Variants in FHIT observed in about 807,000 individuals in gnomAD.
The protein encoded by FHIT is fragile histidine triad diadenosine triphosphatase, also known as bis(5'-adenosyl)-triphosphatase.
FHIT carries 19 observed loss-of-function variants against 17.9 expected under a neutral mutation model. The ratio of observed to expected loss-of-function variants is 1.06; its 90% CI spans 0.74 to 1.56. The LOEUF is 1.56. Among genes scored for constraint, FHIT ranks in the 40% most tolerant of loss-of-function variants. The pLI is 0.00. For synonymous variants in FHIT, 81 were observed against 69.7 expected (o/e 1.16, Z -0.81); for missense variants, 248 against 189.2 (o/e 1.31, Z -1.82).
At chr3:60,310,116 A>C (rs73836722) in intron 5 of FHIT, among the ~76,000 whole-genome samples, 1 of 152,126 alleles carries the variant, frequency 6.6e-6, no homozygotes, top group African/African-American at 2.4e-5. Context: ...TACTTCTCCC[A>C]CATTTCTCTG....
intron 5 of FHIT, among the ~76,000 whole-genome samples, chr3:60,418,220 G>C (rs1330616002): frequency 6.6e-6 from 1 of 151,582 alleles, no homozygotes; most frequent in Non-Finnish European, 1.5e-5. Context: ...AACTGCAAAA[G>C]TCAGAAATCA....
rs374701930 is a variant in FHIT, at chr3:60,238,447, CAA to C, written c.104-224297_104-224296del. On this transcript the variant is annotated intron_variant, in intron 5 of 9. Coordinates refer to ENST00000492590, the MANE Select transcript of FHIT (RefSeq NM_002012.4). ...ATACCACTCAACTAGCTGTACTAAG[CAA>C]AAAAAAAAAAAAAAAGTCACAGCAC... Among the ~76,000 whole-genome samples, 48 of 117,516 alleles carry C rather than the reference CAA, an allele frequency of 4.1e-4. 1 individual carries two copies. The highest frequency in any genetic ancestry group is 1.4e-3 in the African/African-American group (44 of 30,680). 77.1% of individuals were successfully genotyped at this position (117,516 alleles called of 152,430 possible).
chr3:60,816,894 C>A (rs1701759609), intron 4 of FHIT, among the ~76,000 whole-genome samples: 1 of 151,924 alleles, frequency 6.6e-6, no homozygotes, highest in Non-Finnish European at 1.5e-5. Flanking sequence ...AGTCTGATTA[C>A]TGATATGGTT....
At chr3:61,175,809 T>C (rs1210498102) in intron 2 of FHIT, among the ~76,000 whole-genome samples, 1 of 152,182 alleles carries the variant, frequency 6.6e-6, no homozygotes, top group East Asian at 1.9e-4. Flanking sequence ...ACTGGTGCAT[T>C]GATCTTGGAC....
At chr3:61,216,550 T>C (rs1046510317) in intron 1 of FHIT, among the ~76,000 whole-genome samples, 3 of 152,224 alleles carry the variant, frequency 2.0e-5, no homozygotes, top group Non-Finnish European at 2.9e-5. Flanking sequence ...TTGGTGGGAC[T>C]GTAAACTAGT....
intron 5 of FHIT, among the ~76,000 whole-genome samples, chr3:60,334,350 A>T (rs1710132904): frequency 6.6e-6 from 1 of 152,182 alleles, no homozygotes; most frequent in Non-Finnish European, 1.5e-5. Context: ...GGCTCAGACC[A>T]ATTTTAAAGG....
intron 5 of FHIT, among the ~76,000 whole-genome samples, chr3:60,433,188 T>G (rs1166647098): frequency 6.6e-6 from 1 of 152,236 alleles, no homozygotes; most frequent in African/African-American, 2.4e-5. Flanking sequence ...CTGTGACTGG[T>G]TAATATCATC....
intron 4 of FHIT, among the ~76,000 whole-genome samples, chr3:60,560,838 CACACACAGAG>C (rs1303626135): frequency 8.4e-6 from 1 of 118,888 alleles, no homozygotes; most frequent in African/African-American, 3.2e-5. Flanking sequence ...CACACACACA[CACACACAGAG>C]AGAGAGAGAG....
intron 5 of FHIT, among the ~76,000 whole-genome samples, chr3:60,106,202 C>T (rs776828117): frequency 5.3e-5 from 8 of 152,174 alleles, no homozygotes; most frequent in Non-Finnish European, 1.0e-4. Flanking sequence ...TCTTCTCTTA[C>T]TTAACGATAG....
chr3:61,213,401 G>C (rs372582492), intron 1 of FHIT, among the ~76,000 whole-genome samples: 3 of 152,216 alleles, frequency 2.0e-5, no homozygotes, highest in African/African-American at 4.8e-5. Flanking sequence ...GATCAAAAGA[G>C]AGAAAGAAGG....
intron 8 of FHIT, among the ~76,000 whole-genome samples, chr3:59,898,432 G>A (rs994703796): frequency 8.1e-5 from 12 of 147,738 alleles, no homozygotes; most frequent in East Asian, 3.9e-4. Flanking sequence ...ATATGTGTGC[G>A]TGTGTATGTT....
intron 4 of FHIT, among the ~76,000 whole-genome samples, chr3:60,743,845 G>A (rs372500856): frequency 2.6e-5 from 4 of 152,168 alleles, no homozygotes; most frequent in African/African-American, 4.8e-5. Flanking sequence ...TCTCTTTCAC[G>A]GGGTTTTTTT....
intron 5 of FHIT, among the ~76,000 whole-genome samples, chr3:60,195,545 T>TGA (rs1702589883): frequency 8.0e-5 from 2 of 25,018 alleles, no homozygotes; most frequent in Non-Finnish European, 1.3e-4. Context: ...AAGGAAAATG[T>TGA]GATATATATA....
chr3:60,549,439 T>C (rs571849509), intron 4 of FHIT, among the ~76,000 whole-genome samples: 5 of 152,302 alleles, frequency 3.3e-5, no homozygotes, highest in African/African-American at 1.2e-4. Flanking sequence ...TCAACATTTA[T>C]GCATCTCTTT....
intron 3 of FHIT, among the ~76,000 whole-genome samples, chr3:60,857,599 C>T (rs116728739): frequency 6.6e-6 from 1 of 152,148 alleles, no homozygotes; most frequent in African/African-American, 2.4e-5. Flanking sequence ...ATAAAGAGTT[C>T]TTTATTGTTC....
At chr3:60,032,876 C>T (rs1701059689) in intron 5 of FHIT, among the ~76,000 whole-genome samples, 2 of 152,092 alleles carry the variant, frequency 1.3e-5, no homozygotes, top group South Asian at 4.1e-4. Flanking sequence ...TAATCAGCCA[C>T]CTATAGCTAG....
At chr3:60,179,272 C>T (rs899419668) in intron 5 of FHIT, among the ~76,000 whole-genome samples, 4 of 152,320 alleles carry the variant, frequency 2.6e-5, no homozygotes, top group South Asian at 2.1e-4. Context: ...AGCCCACTCA[C>T]GGTCCCAGAG....
intron 5 of FHIT, among the ~76,000 whole-genome samples, chr3:60,310,098 C>A (rs1232812000): frequency 6.6e-6 from 1 of 152,070 alleles, no homozygotes; most frequent in Non-Finnish European, 1.5e-5. Context: ...ACAAAGGCAA[C>A]CTTTATTTAC....
chr3:60,097,793 C>T (rs1235288701), intron 5 of FHIT, among the ~76,000 whole-genome samples: 1 of 150,022 alleles, frequency 6.7e-6, no homozygotes, highest in Non-Finnish European at 1.5e-5. Flanking sequence ...ATACATGTGC[C>T]ATGTTGGTGT....
Sources: gnomAD v4.1 joint callset for allele counts (sites outside exome capture counted in the v4.1 genomes callset) on GRCh38, gnomAD v4.1.1 for gene constraint, MANE v1.5 for transcripts, NCBI Gene and HGNC (gene_info 2026-07-23, HGNC 2026-07-21) for gene names.